TBL1X: variants seen among roughly 807,000 people sequenced by gnomAD.
TBL1X encodes the protein F-box-like/WD repeat-containing protein TBL1X.
TBL1X carries 10 observed loss-of-function variants against 50.7 expected under a neutral mutation model. The ratio of observed to expected loss-of-function variants is 0.20; its 90% confidence interval spans 0.12 to 0.33. The LOEUF (loss-of-function observed/expected upper bound fraction) is 0.33, where lower values mean the gene tolerates loss of function less well. TBL1X is among the 10% of genes least tolerant of loss of function. TBL1X has a pLI of 1.00. For synonymous variants in TBL1X, 190 were observed against 214.7 expected, an observed-to-expected ratio of 0.88 and a Z score of 1.01; for missense variants, 340 against 504.4, an observed-to-expected ratio of 0.67 and a Z score of 3.12.
chrX:9,583,015 T>G (rs1247812139), intron 2 of TBL1X, among the ~76,000 whole-genome samples: 5 of 112,901 alleles, frequency 4.4e-5, no homozygotes, highest in Non-Finnish European at 7.5e-5. Flanking sequence ...AGAAGGATTT[T>G]TTTATGATAC....
At chrX:9,526,727 A>G (rs2082134424) in intron 2 of TBL1X, among the ~76,000 whole-genome samples, 1 of 112,386 alleles carries the variant, frequency 8.9e-6, no homozygotes, top group Non-Finnish European at 1.9e-5. Flanking sequence ...CTGTATTCCA[A>G]TAAAACTCCA....
At chrX:9,502,690 T>G (rs964615852) in intron 2 of TBL1X, among the ~76,000 whole-genome samples, 2 of 112,619 alleles carry the variant, frequency 1.8e-5, no homozygotes, top group African/African-American at 3.2e-5. Context: ...CAGGGACCAT[T>G]TTTATTTCTT....
At chrX:9,628,238 T>C (rs2082702417) in intron 2 of TBL1X, among the ~76,000 whole-genome samples, 1 of 111,943 alleles carries the variant, frequency 8.9e-6, no homozygotes, top group African/African-American at 3.2e-5. Context: ...TGGAGAACTA[T>C]CTGTGGGAGG....
intron 2 of TBL1X, among the ~76,000 whole-genome samples, chrX:9,517,329 C>T (rs1015475631): frequency 1.8e-5 from 2 of 111,060 alleles, no homozygotes; most frequent in South Asian, 3.8e-4. Flanking sequence ...TTCTCAGTGC[C>T]GTGGTCAGAT....
At chrX:9,539,568 G>A (rs990174632) in intron 2 of TBL1X, among the ~76,000 whole-genome samples, 3 of 111,536 alleles carry the variant, frequency 2.7e-5, no homozygotes, top group Admixed American at 1.9e-4. Context: ...CAGGAAGCCC[G>A]GTTTCCCACC....
intron 2 of TBL1X, among the ~76,000 whole-genome samples, chrX:9,601,448 C>T (rs779869024): frequency 1.8e-5 from 2 of 111,644 alleles, no homozygotes; most frequent in Admixed American, 1.9e-4. Flanking sequence ...TGTGTATTTG[C>T]TTGCCTGCTC....
At chrX:9,482,353 G>T (rs1463210405) in intron 1 of TBL1X, among the ~76,000 whole-genome samples, 1 of 111,591 alleles carries the variant, frequency 9.0e-6, no homozygotes, top group Non-Finnish European at 1.9e-5. Flanking sequence ...CCGTGTCTAT[G>T]GAAATGCCTC....
intron 2 of TBL1X, among the ~76,000 whole-genome samples, chrX:9,618,200 A>AGGTT (rs1295106834): frequency 2.7e-5 from 3 of 111,559 alleles, no homozygotes; most frequent in Admixed American, 9.5e-5. Context: ...ACACTGAAGT[A>AGGTT]GGTTCTTTCA....
At chrX:9,522,209 G>A (rs999177562) in intron 2 of TBL1X, among the ~76,000 whole-genome samples, 5 of 109,824 alleles carry the variant, frequency 4.6e-5, no homozygotes, top group Non-Finnish European at 1.9e-5. Flanking sequence ...TAGAGATGGG[G>A]GTCTCGCCAT....
At chrX:9,651,119 C>T (rs756651999) in intron 3 of TBL1X, among the ~76,000 whole-genome samples, 3 of 101,103 alleles carry the variant, frequency 3.0e-5, no homozygotes, top group Non-Finnish European at 3.9e-5. Flanking sequence ...CCTCGACTTC[C>T]CAGGCTCAGA....
At chrX:9,589,333 T>C (rs2082487229) in intron 2 of TBL1X, among the ~76,000 whole-genome samples, 1 of 108,785 alleles carries the variant, frequency 9.2e-6, no homozygotes, top group Non-Finnish European at 1.9e-5. Context: ...TGTTTGCGTC[T>C]GGAGCCTCTA....
At chrX:9,491,795 CCTTT>C (rs1352917869) in intron 1 of TBL1X, among the ~76,000 whole-genome samples, 1 of 110,758 alleles carries the variant, frequency 9.0e-6, no homozygotes, top group Non-Finnish European at 1.9e-5. Flanking sequence ...CTGACAGCCT[CCTTT>C]CTTCTCCTAC....
chrX:9,679,004 G>A (rs1227130013), intron 5 of TBL1X, among the ~76,000 whole-genome samples: 2 of 110,425 alleles, frequency 1.8e-5, no homozygotes, highest in Non-Finnish European at 3.8e-5. Context: ...CTTTGTGTAA[G>A]CCTTTCAGTT....
intron 2 of TBL1X, among the ~76,000 whole-genome samples, chrX:9,530,704 T>C (rs1601736581): frequency 8.9e-6 from 1 of 112,635 alleles, no homozygotes; most frequent in East Asian, 2.8e-4. Context: ...TACTTATCTT[T>C]TCATCACAAA....
intron 2 of TBL1X, among the ~76,000 whole-genome samples, chrX:9,601,856 A>G (rs2082558564): frequency 8.9e-6 from 1 of 111,977 alleles, no homozygotes; most frequent in African/African-American, 3.3e-5. Context: ...AGCCTGGCCA[A>G]CATGGCGAAA....
intron 5 of TBL1X, among the ~76,000 whole-genome samples, chrX:9,658,864 G>A (rs967765693): frequency 8.9e-6 from 1 of 112,036 alleles, no homozygotes; most frequent in Non-Finnish European, 1.9e-5. Flanking sequence ...GAGTGCAGTG[G>A]CACGATCACG....
intron 2 of TBL1X, among the ~76,000 whole-genome samples, chrX:9,568,010 C>T (rs777779445): frequency 4.5e-5 from 5 of 112,002 alleles, no homozygotes; most frequent in African/African-American, 1.6e-4. Flanking sequence ...AGTGCTCCCC[C>T]TTAGTGCTGT....
intron 12 of TBL1X, among the ~76,000 whole-genome samples, chrX:9,698,375 A>G (rs1220819075): frequency 9.0e-6 from 1 of 111,620 alleles, no homozygotes; most frequent in Non-Finnish European, 1.9e-5. Context: ...ACTCACAGCT[A>G]AGATTTCTAA....
intron 1 of TBL1X, among the ~76,000 whole-genome samples, chrX:9,499,785 G>A (rs2081990779): frequency 9.0e-6 from 1 of 111,090 alleles, no homozygotes; most frequent in Non-Finnish European, 1.9e-5. Context: ...AGACCAGCTT[G>A]GCCAACATGG....
Sources: gnomAD v4.1 joint callset for allele counts (sites outside exome capture counted in the v4.1 genomes callset) on GRCh38, gnomAD v4.1.1 for gene constraint, MANE v1.5 for transcripts, NCBI Gene and HGNC (gene_info 2026-07-23, HGNC 2026-07-21) for gene names.